The following KCNC4 variants were observed in gnomAD, a reference collection of about 807,000 sequenced individuals.
KCNC4 encodes the protein potassium voltage-gated channel subfamily C member 4.
KCNC4 carries 23 observed loss-of-function variants against 42.8 expected under a neutral mutation model. That is an observed-to-expected ratio of 0.54 (90% CI 0.39 to 0.76). KCNC4 has a LOEUF of 0.76. Ranked by LOEUF, KCNC4 falls within the 30% of genes least tolerant of loss-of-function variation. The pLI is 0.00. For synonymous variants in KCNC4, 422 were observed against 393.5 expected, an observed-to-expected ratio of 1.07 and a Z score of -0.86; for missense variants, 751 against 898.2, an observed-to-expected ratio of 0.84 and a Z score of 2.10.
At chr1:110,234,568 G>C (rs755621193), downstream of KCNC4, 2 of 152,220 alleles carry the variant, frequency 1.3e-5, no homozygotes, top group Non-Finnish European at 2.9e-5. Context: ...ATGGTCAGAC[G>C]TGGCCCTTGG....
chr1:110,255,774 T>C (rs893945331), intron 1 of KCNC4, among the ~76,000 whole-genome samples: 3 of 152,196 alleles, frequency 2.0e-5, no homozygotes, highest in African/African-American at 7.2e-5. Flanking sequence ...AGGCAAACGA[T>C]GGCAGAGGTC....
chr1:110,276,476 T>A (rs1659728936), intron 1 of KCNC4, among the ~76,000 whole-genome samples: 1 of 152,118 alleles, frequency 6.6e-6, no homozygotes, highest in Non-Finnish European at 1.5e-5. Context: ...GAGCCCTGCC[T>A]AGTCCTCATG....
chr1:110,248,221 A>G (rs1659188923), exon 4 of KCNC4: 1 of 152,238 alleles, frequency 6.6e-6, no homozygotes, highest in Admixed American at 6.5e-5. Context: ...CAAAATGACA[A>G]TATTTTGAAT....
intron 1 of KCNC4, among the ~76,000 whole-genome samples, chr1:110,258,593 T>C (rs1571074219): frequency 1.3e-5 from 2 of 152,230 alleles, no homozygotes; most frequent in African/African-American, 4.8e-5. Context: ...CGTGTATGTG[T>C]TGATTTCACA....
chr1:110,272,795 G>A (rs1557875767), intron 1 of KCNC4, among the ~76,000 whole-genome samples: 1 of 152,178 alleles, frequency 6.6e-6, no homozygotes, highest in Non-Finnish European at 1.5e-5. Context: ...TTTTCAAAAT[G>A]ATACTGGCTG....
chr1:110,250,000 T>G (rs1659222521), downstream of KCNC4, among the ~76,000 whole-genome samples: 1 of 152,208 alleles, frequency 6.6e-6, no homozygotes, highest in African/African-American at 2.4e-5. Flanking sequence ...AGTCCCACCT[T>G]GAAGCTGTTA....
intron 1 of KCNC4, among the ~76,000 whole-genome samples, chr1:110,260,488 G>A (rs974109370): frequency 1.3e-5 from 2 of 152,328 alleles, no homozygotes; most frequent in African/African-American, 4.8e-5. Flanking sequence ...GTCTTTAAAA[G>A]ATTCCTGCAA....
chr1:110,246,812 G>C (rs1275980673), exon 4 of KCNC4: 1 of 119,152 alleles, frequency 8.4e-6, no homozygotes, highest in Non-Finnish European at 1.7e-5. Flanking sequence ...GTGCAATTTT[G>C]CCACATGCCT....
At chr1:110,229,151 G>A (rs1476640048) in intron 3 of KCNC4, 1 of 152,160 alleles carries the variant, frequency 6.6e-6, no homozygotes, top group Admixed American at 6.5e-5. Flanking sequence ...CGAACAGCCT[G>A]TCTGTCTGTC....
At position 110,213,761 on chromosome 1, in the gene KCNC4, A is replaced by T. The variant is rs538848545; in HGVS notation, c.678+1584A>T. ...CTGCTGTGAGTTCTACAGACTTCTC[A>T]TGTAGGTCACTAACCTTGCTAGTGT... On this transcript the variant is annotated intron_variant, in intron 1 of 3. Coordinates refer to ENST00000438661, the MANE Select transcript of KCNC4 (RefSeq NM_001039574.3). Among the ~76,000 whole-genome samples the T allele has an allele frequency of 4.6e-5, 7 of 152,322 alleles. No individual in the cohort carries two copies. In the East Asian group the frequency reaches 1.2e-3, roughly 25 times the overall value.
At chr1:110,282,219 G>C (rs927368206) in intron 1 of KCNC4, among the ~76,000 whole-genome samples, 8 of 152,218 alleles carry the variant, frequency 5.3e-5, no homozygotes, top group African/African-American at 1.9e-4. Flanking sequence ...GATCCCAGAG[G>C]GGAGAAAGAG....
downstream of KCNC4, among the ~76,000 whole-genome samples, chr1:110,253,950 G>A (rs1659285711): frequency 6.6e-6 from 1 of 152,138 alleles, no homozygotes; most frequent in Admixed American, 6.5e-5. Flanking sequence ...GCCATGCAGA[G>A]AGCCACCAAT....
intron 1 of KCNC4, among the ~76,000 whole-genome samples, chr1:110,213,624 G>A (rs1476550140): frequency 6.6e-6 from 1 of 152,244 alleles, no homozygotes; most frequent in Non-Finnish European, 1.5e-5. Context: ...GAGAAGGCAG[G>A]GATCTTTCTC....
At position 110,223,931 on chromosome 1, in the gene KCNC4, T is replaced by C. The variant is rs755665914; in HGVS notation, c.1615+31T>C. 9.2e-6 allele frequency: 14 copies of C among 1,525,800 alleles called. No individual in the cohort carries two copies. The highest frequency in any genetic ancestry group is 1.7e-4 in the Middle Eastern group (1 of 5,742). 94.5% of individuals were successfully genotyped at this position (1,525,800 alleles called of 1,614,324 possible). ...ATTAGGGGTTGGGAAGGAAAATCCCTTTTCCCCCAGTGGCCTAGGGAGTTT... is the reference window on the plus strand; with the variant it reads ...ATTAGGGGTTGGGAAGGAAAATCCCCTTTCCCCCAGTGGCCTAGGGAGTTT... On this transcript the variant is annotated intron_variant, in intron 2 of 3. Coordinates refer to ENST00000438661, the MANE Select transcript of KCNC4 (RefSeq NM_001039574.3). This position sits in a 1 kb window ranked among gnomAD's most constrained non-coding sequence, Gnocchi z 7.5.
downstream of KCNC4, chr1:110,236,184 C>T (rs985125298): frequency 2.6e-5 from 4 of 152,164 alleles, no homozygotes; most frequent in African/African-American, 7.2e-5. Flanking sequence ...TACCTAACAG[C>T]GAACATTTAT....
At chr1:110,261,744 G>C (rs1372082783) in intron 1 of KCNC4, among the ~76,000 whole-genome samples, 1 of 152,158 alleles carries the variant, frequency 6.6e-6, no homozygotes. Context: ...ATAAAAAGAA[G>C]GTCTGTAAAA....
intron 1 of KCNC4, among the ~76,000 whole-genome samples, chr1:110,260,747 G>A (rs1303796948): frequency 6.6e-6 from 1 of 152,116 alleles, no homozygotes; most frequent in Non-Finnish European, 1.5e-5. Context: ...TGGCTAACAC[G>A]GTGAAACCCC....
chr1:110,265,925 C>T (rs942269832), intron 1 of KCNC4, among the ~76,000 whole-genome samples: 12 of 152,128 alleles, frequency 7.9e-5, no homozygotes, highest in African/African-American at 2.9e-4. Context: ...ACAGATAGAC[C>T]CAGCCTACCA....
At chr1:110,228,062 G>A (rs1359033273) in intron 3 of KCNC4, among the ~76,000 whole-genome samples, 1 of 152,168 alleles carries the variant, frequency 6.6e-6, no homozygotes, top group African/African-American at 2.4e-5. Context: ...AAGCAAGCGT[G>A]GCAGTTAACA....
Sources: gnomAD v4.1 joint callset for allele counts (sites outside exome capture counted in the v4.1 genomes callset) on GRCh38, gnomAD v4.1.1 for gene constraint, Gnocchi (gnomAD v3.1) non-coding constraint, MANE v1.5 for transcripts, NCBI Gene and HGNC (gene_info 2026-07-23, HGNC 2026-07-21) for gene names.